The following KAZN variants were observed in gnomAD, a reference collection of about 807,000 sequenced individuals.
The protein encoded by KAZN is kazrin.
KAZN carries 40 observed loss-of-function variants against 87.4 expected under a neutral mutation model. That is an observed-to-expected ratio of 0.46 (90% confidence interval 0.36 to 0.60). KAZN has a LOEUF of 0.60. KAZN is among the 20% of genes least tolerant of loss of function. The pLI is 0.00. For synonymous variants in KAZN, 466 were observed against 458.3 expected, an observed-to-expected ratio of 1.02 and a Z score of -0.22; for missense variants, 898 against 1,073.9, an observed-to-expected ratio of 0.84 and a Z score of 2.29.
intron 1 of KAZN, among the ~76,000 whole-genome samples, chr1:14,748,208 GA>G (rs145216613): frequency 0.027 from 4,138 of 152,162 alleles, 93 homozygotes; most frequent in South Asian, 0.066. Flanking sequence ...TTTTCTCCCA[GA>G]AAAAACATCT....
chr1:15,055,137 T>C (rs1328558916), intron 4 of KAZN, among the ~76,000 whole-genome samples: 1 of 152,226 alleles, frequency 6.6e-6, no homozygotes, highest in African/African-American at 2.4e-5. Context: ...ACAATCGGAC[T>C]TGAATCCTGG....
chr1:14,001,880 C>T (rs1639807717), intron 1 of KAZN, among the ~76,000 whole-genome samples: 1 of 152,140 alleles, frequency 6.6e-6, no homozygotes, highest in African/African-American at 2.4e-5. Flanking sequence ...AAATGTAAAA[C>T]CCCAAACCAT....
At chr1:14,789,726 A>G (rs1310931219) in intron 1 of KAZN, among the ~76,000 whole-genome samples, 1 of 121,846 alleles carries the variant, frequency 8.2e-6, no homozygotes, top group Non-Finnish European at 1.6e-5. Context: ...CCCCATTCTT[A>G]CTCTGAAGGC....
chr1:14,690,703 T>C (rs1641239324), intron 1 of KAZN, among the ~76,000 whole-genome samples: 1 of 152,232 alleles, frequency 6.6e-6, no homozygotes, highest in Non-Finnish European at 1.5e-5. Context: ...CACTATTGTA[T>C]GCCAGCCATA....
chr1:14,551,511 C>T (rs1301946187), intron 2 of KAZN, among the ~76,000 whole-genome samples: 1 of 152,206 alleles, frequency 6.6e-6, no homozygotes, highest in African/African-American at 2.4e-5. Flanking sequence ...TACAAAAGCA[C>T]TCAATAAATA....
At chr1:14,838,469 C>G (rs553238948) in intron 1 of KAZN, among the ~76,000 whole-genome samples, 6 of 152,304 alleles carry the variant, frequency 3.9e-5, no homozygotes, top group East Asian at 1.9e-4. Context: ...AAGAGCCCCC[C>G]ACCTGGTCAG....
chr1:13,964,459 C>T lies in KAZN; in HGVS notation c.91+70703C>T, dbSNP rs976397397. Among the ~76,000 whole-genome samples the T allele has an allele frequency of 5.3e-5, 8 of 152,282 alleles. No individual in the cohort carries two copies. The South Asian group carries it at 6.2e-4, about 12-fold the overall frequency. ...CCCTAGTTCTGTAGTTCTGTGAGTC[C>T]GCAATAGGCTGGGTTCAGCTGGGCA... On this transcript the variant is annotated intron_variant, in intron 1 of 16. Coordinates refer to the KAZN transcript ENST00000636203.
At chr1:14,913,087 G>A (rs778051734) in intron 1 of KAZN, among the ~76,000 whole-genome samples, 5 of 152,176 alleles carry the variant, frequency 3.3e-5, no homozygotes, top group South Asian at 2.1e-4. Context: ...GGGAGGCCCC[G>A]AGCTAGACTT....
intron 1 of KAZN, among the ~76,000 whole-genome samples, chr1:14,610,192 C>T (rs1479476080): frequency 6.6e-6 from 1 of 151,202 alleles, no homozygotes; most frequent in Non-Finnish European, 1.5e-5. Flanking sequence ...TTCCAATGAC[C>T]TGTTTGTTTG....
At chr1:14,577,454 G>A (rs985768238) in intron 2 of KAZN, among the ~76,000 whole-genome samples, 1 of 152,140 alleles carries the variant, frequency 6.6e-6, no homozygotes, top group African/African-American at 2.4e-5. Flanking sequence ...AAAGAGGGTG[G>A]CAAAACTAAT....
chr1:13,941,168 C>G (rs942687288), intron 1 of KAZN, among the ~76,000 whole-genome samples: 1 of 151,814 alleles, frequency 6.6e-6, no homozygotes, highest in African/African-American at 2.4e-5. Context: ...GCACTCTGGG[C>G]AACAGAGCAG....
At chr1:14,472,989 C>A (rs1403726711) in intron 2 of KAZN, among the ~76,000 whole-genome samples, 4 of 152,016 alleles carry the variant, frequency 2.6e-5, no homozygotes, top group African/African-American at 7.2e-5. Context: ...GATAAATACA[C>A]CTTTCAGTTT....
At chr1:14,946,563 T>G (rs1661824044) in intron 1 of KAZN, among the ~76,000 whole-genome samples, 1 of 152,172 alleles carries the variant, frequency 6.6e-6, no homozygotes, top group Non-Finnish European at 1.5e-5. Context: ...GGTCTCAATC[T>G]GGTTTAAATT....
At chr1:14,928,128 A>G (rs1659370876) in intron 1 of KAZN, among the ~76,000 whole-genome samples, 2 of 152,206 alleles carry the variant, frequency 1.3e-5, no homozygotes, top group Non-Finnish European at 2.9e-5. Context: ...AGCAGTATGG[A>G]AAGACTTCAC....
chr1:14,056,081 C>T (rs1642542195), intron 1 of KAZN, among the ~76,000 whole-genome samples: 1 of 152,216 alleles, frequency 6.6e-6, no homozygotes, highest in Non-Finnish European at 1.5e-5. Flanking sequence ...ATCCAGTTTT[C>T]CCAAAGCCTT....
intron 2 of KAZN, among the ~76,000 whole-genome samples, chr1:14,346,997 A>T (rs976618475): frequency 3.3e-5 from 5 of 152,176 alleles, no homozygotes; most frequent in Non-Finnish European, 5.9e-5. Context: ...TGGGGAAGGA[A>T]ATACAACATT....
chr1:14,580,111 T>C (rs1261180647), intron 2 of KAZN, among the ~76,000 whole-genome samples: 1 of 152,214 alleles, frequency 6.6e-6, no homozygotes, highest in Admixed American at 6.5e-5. Context: ...TGACCGTCAC[T>C]GGGACTTCCA....
intron 1 of KAZN, among the ~76,000 whole-genome samples, chr1:14,175,109 C>A (rs1570939521): frequency 6.6e-6 from 1 of 152,002 alleles, no homozygotes; most frequent in African/African-American, 2.4e-5. Flanking sequence ...GTTTTGTTTT[C>A]GTTTTTGTTT....
At chr1:15,017,907 G>T (rs869712) in intron 2 of KAZN, among the ~76,000 whole-genome samples, 84,130 of 152,074 alleles carry the variant, frequency 0.55, 23,517 homozygotes, top group East Asian at 0.73. Context: ...GCAAAAACTG[G>T]CTACTCCTAA....
Sources: allele counts gnomAD v4.1 joint callset (sites outside exome capture counted in the v4.1 genomes callset), GRCh38; gene constraint gnomAD v4.1.1; transcripts MANE v1.5; gene names NCBI Gene and HGNC (gene_info 2026-07-23, HGNC 2026-07-21).